The following E2F7 variants were observed in gnomAD, a reference collection of about 807,000 sequenced individuals.
E2F7 encodes E2F transcription factor 7, also known as transcription factor E2F7.
In E2F7, 35 loss-of-function variants were observed where a neutral mutation model predicts 81.1. The observed-to-expected ratio is 0.43, with a 90% CI of 0.33 to 0.57. The LOEUF (loss-of-function observed/expected upper bound fraction) is 0.57. Among genes scored for constraint, E2F7 ranks in the 20% least tolerant of loss-of-function variants. The pLI is 0.04. For synonymous variants in E2F7, 416 were observed against 416.2 expected (o/e 1.00, Z 0.01); for missense variants, 961 against 1,093.7 (o/e 0.88, Z 1.71).
chr12:77,024,227 G>A (rs764702900), intron 12 of E2F7, 42 bp from the exon 13 acceptor site: 1 of 1,585,044 alleles, frequency 6.3e-7, no homozygotes, highest in Non-Finnish European at 8.6e-7. Context: ...AAGTCATATT[G>A]TTTCTGATCT....
rs759285416 is a variant in E2F7 at position 77,030,309 on chromosome 12, C to T, written c.1406G>A (p.Arg469Lys). ...CAAGCTGCTTGATGGAGGCACCACTCTCTTACTGGCAAAGGCTTTTCCCCT... is the reference window on the plus strand; with the variant it reads ...CAAGCTGCTTGATGGAGGCACCACTTTCTTACTGGCAAAGGCTTTTCCCCT... ...NSQGKAFASK[R>K]VVPPSSSLDP... The change falls in exon 10 of 13, where the codon AGA becomes AAA. Residue 469 changes from arginine (R) to lysine (K), a missense_variant. Coordinates refer to ENST00000322886, the MANE Select transcript of E2F7 (RefSeq NM_203394.3). 2 of 1,553,884 alleles carry T rather than the reference C, an allele frequency of 1.3e-6. No individual in the cohort carries two copies. Among genetic ancestry groups the T allele is most frequent in the South Asian group, 2.4e-5 (2 of 81,926 alleles).
chr12:77,032,905 A>T, intron 9 of E2F7, 145 bp downstream of exon 9: 1 of 643,278 alleles, frequency 1.6e-6, no homozygotes, highest in Non-Finnish European at 2.7e-6. Context: ...TGCACAGTGT[A>T]GGGCACAAAG....
At chr12:77,044,947 T>A (rs1954926420) in intron 5 of E2F7, 152 bp from the exon 6 acceptor site, 1 of 912,270 alleles carries the variant, frequency 1.1e-6, no homozygotes, top group South Asian at 1.9e-5. Flanking sequence ...ATCACAGAAG[T>A]CAGCTCAGGA....
At chr12:77,032,842 T>C (rs1954817334) in intron 9 of E2F7, among the ~76,000 whole-genome samples, 1 of 152,216 alleles carries the variant, frequency 6.6e-6, no homozygotes, top group African/African-American at 2.4e-5. Flanking sequence ...CTATAAGCCA[T>C]CATAGCTTAC....
chr12:77,041,927 C>T (rs916937648), intron 7 of E2F7, among the ~76,000 whole-genome samples: 9 of 152,160 alleles, frequency 5.9e-5, no homozygotes, highest in Non-Finnish European at 7.3e-5. Context: ...AGGGCAGGGA[C>T]GACACCACCA....
Position 77,054,054 on chromosome 12 carries a change from T to G in E2F7, c.369+1801A>C, listed in dbSNP as rs151166688. Among the ~76,000 whole-genome samples the G allele has an allele frequency of 1.4e-4, 21 of 152,094 alleles. No individual in the cohort carries two copies. The East Asian group carries it at 2.9e-3, about 21-fold the overall frequency. On this transcript the variant is annotated intron_variant, in intron 3 of 12. Transcript: ENST00000322886. ...CCCCAAGACAGTAAGAAGGGAACAATAGACACCAGGGCCTACTTGAGGGTA... is the reference window on the plus strand; with the variant it reads ...CCCCAAGACAGTAAGAAGGGAACAAGAGACACCAGGGCCTACTTGAGGGTA...
At chr12:77,064,114 G>C (rs1955099169) in intron 2 of E2F7, among the ~76,000 whole-genome samples, 1 of 152,184 alleles carries the variant, frequency 6.6e-6, no homozygotes, top group Non-Finnish European at 1.5e-5. Context: ...TGGGTGAATG[G>C]AACAGTCTCT....
intron 3 of E2F7, among the ~76,000 whole-genome samples, chr12:77,051,900 A>C (rs1188917791): frequency 6.6e-6 from 1 of 152,202 alleles, no homozygotes; most frequent in Non-Finnish European, 1.5e-5. Flanking sequence ...GTCACTATTC[A>C]TACAAAAAAA....
At chr12:77,063,027 C>T (rs1955089960) in intron 2 of E2F7, among the ~76,000 whole-genome samples, 1 of 152,130 alleles carries the variant, frequency 6.6e-6, no homozygotes, top group Admixed American at 6.5e-5. Flanking sequence ...GTGTGCAGTT[C>T]TGTGTAATGA....
In E2F7 at chr12:77,046,139, A is replaced by C; in HGVS notation, c.728T>G (p.Leu243Arg). 6.2e-7 allele frequency: 1 copy of C among 1,614,162 alleles called. No homozygotes were observed. Among genetic ancestry groups the C allele is most frequent in the Non-Finnish European group, 8.5e-7 (1 of 1,180,026 alleles). Residue 243 changes from leucine (L) to arginine (R), a missense_variant, in exon 5 of 13, where the codon CTG (leucine) becomes CGG (arginine). Around this residue, in one of 3 missense-constraint regions of E2F7, gnomAD observed 301 missense variants for 405.0 expected, o/e 0.74. Transcript: ENST00000322886. ...TCCAAATTTATAATCTATCAGGTCC[A>C]GCTCTTTCTGTTGGAGGTAGGCCAT... Reference protein sequence around the residue: ...EQMAYLQQKELDLIDYKFGER... With the variant: ...EQMAYLQQKERDLIDYKFGER...
chr12:77,052,422 T>C (rs1954997783), intron 3 of E2F7, among the ~76,000 whole-genome samples: 1 of 152,152 alleles, frequency 6.6e-6, no homozygotes, highest in Admixed American at 6.5e-5. Context: ...AATTTTAATA[T>C]GAAAGCAGTT....
rs778892875 is a variant in E2F7, at chr12:77,033,907, A to C, written c.1259T>G (p.Ile420Ser). Residue 420 changes from isoleucine (I) to serine (S), a missense_variant, in exon 8 of 13, where the codon ATC becomes AGC. By Grantham distance (142) the Ile-to-Ser change is moderately radical (BLOSUM62 -2). Transcript: ENST00000322886. ...CGGTTCTGAGTTCACTTTCCTCTGGATCCTCTCAGAAGCCTGAACTGTGTT... is the reference window on the plus strand; with the variant it reads ...CGGTTCTGAGTTCACTTTCCTCTGGCTCCTCTCAGAAGCCTGAACTGTGTT... ...SFNTVQASER[I>S]QRKVNSEPSS... 3 of 1,613,950 alleles carry C rather than the reference A, an allele frequency of 1.9e-6. No homozygotes were observed. The highest frequency in any genetic ancestry group is 4.5e-5 in the East Asian group (2 of 44,876).
chr12:77,057,268 G>T (rs1166687512), intron 2 of E2F7, among the ~76,000 whole-genome samples: 4 of 151,866 alleles, frequency 2.6e-5, no homozygotes, highest in Admixed American at 2.6e-4. Context: ...TGGAGACGGG[G>T]TCTTGCCATG....
At chr12:77,055,471 T>C (rs1203373228) in intron 3 of E2F7, among the ~76,000 whole-genome samples, 2 of 151,796 alleles carry the variant, frequency 1.3e-5, no homozygotes, top group Non-Finnish European at 2.9e-5. Flanking sequence ...ACTAACCAAC[T>C]GAACATATAT....
chr12:77,041,438 G>T (rs1236162766), intron 7 of E2F7, among the ~76,000 whole-genome samples: 1 of 152,120 alleles, frequency 6.6e-6, no homozygotes, highest in Non-Finnish European at 1.5e-5. Context: ...TGATCTGCCT[G>T]CCGTGGCCTC....
intron 3 of E2F7, among the ~76,000 whole-genome samples, chr12:77,051,798 A>T (rs1954991493): frequency 6.6e-6 from 1 of 152,234 alleles, no homozygotes; most frequent in African/African-American, 2.4e-5. Flanking sequence ...TCTATCTCAT[A>T]TTGAAGACTC....
chr12:77,037,573 T>C (rs1954862523), intron 7 of E2F7, among the ~76,000 whole-genome samples: 1 of 152,248 alleles, frequency 6.6e-6, no homozygotes, highest in South Asian at 2.1e-4. Flanking sequence ...ATACATGTAG[T>C]ATACTATCAC....
At chr12:77,040,945 T>C (rs1954889036) in intron 7 of E2F7, among the ~76,000 whole-genome samples, 1 of 152,148 alleles carries the variant, frequency 6.6e-6, no homozygotes, top group Non-Finnish European at 1.5e-5. Flanking sequence ...TTGTGAGGAA[T>C]TGCTAGCCAA....
chr12:77,048,738 G>GA (rs1311214900), intron 4 of E2F7, among the ~76,000 whole-genome samples: 1 of 152,146 alleles, frequency 6.6e-6, no homozygotes, highest in East Asian at 1.9e-4. Flanking sequence ...GGAAGCTGTG[G>GA]AAAAATCTCT....
Sources: allele counts gnomAD v4.1 joint callset (sites outside exome capture counted in the v4.1 genomes callset), GRCh38; gene constraint gnomAD v4.1.1; regional missense constraint gnomAD v4.1.1; transcripts MANE v1.5; gene names NCBI Gene and HGNC (gene_info 2026-07-23, HGNC 2026-07-21).